UNC79: variants seen among roughly 807,000 people sequenced by gnomAD.
The protein encoded by UNC79 is protein unc-79 homolog.
In UNC79, 37 loss-of-function variants were observed where a neutral mutation model predicts 283.1. The ratio of observed to expected loss-of-function variants is 0.13; its 90% CI spans 0.10 to 0.17. The LOEUF is 0.17. UNC79 is among the 10% of genes least tolerant of loss of function. The pLI is 1.00. For missense variants in UNC79, 2,272 were observed against 3,211.1 expected, an observed-to-expected ratio of 0.71 and a Z score of 7.07; for synonymous variants, 1,107 against 1,200.2, an observed-to-expected ratio of 0.92 and a Z score of 1.61.
At chr14:93,548,530 G>A (rs896577457) in intron 14 of UNC79, among the ~76,000 whole-genome samples, 1 of 152,132 alleles carries the variant, frequency 6.6e-6, no homozygotes, top group African/African-American at 2.4e-5. Flanking sequence ...TTTTTTAAGA[G>A]AGAGAAAATG....
intron 12 of UNC79, among the ~76,000 whole-genome samples, chr14:93,539,192 C>T (rs954976374): frequency 3.4e-5 from 5 of 146,324 alleles, no homozygotes; most frequent in African/African-American, 1.3e-4. Context: ...CGTGAGCCAC[C>T]GTGCCTGGCT....
intron 1 of UNC79, among the ~76,000 whole-genome samples, chr14:93,346,567 T>G (rs546237111): frequency 1.3e-5 from 2 of 152,354 alleles, no homozygotes; most frequent in East Asian, 3.9e-4. Context: ...GACCCTGCCA[T>G]GAATATTTTT....
At chr14:93,415,353 A>T (rs1251495259) in intron 1 of UNC79, among the ~76,000 whole-genome samples, 3 of 152,232 alleles carry the variant, frequency 2.0e-5, no homozygotes, top group African/African-American at 7.2e-5. Context: ...CCAGCCTTGC[A>T]TCCCAGGGAT....
chr14:93,555,171 T>A (rs1443194761), intron 14 of UNC79, among the ~76,000 whole-genome samples: 2 of 152,252 alleles, frequency 1.3e-5, no homozygotes, highest in Non-Finnish European at 2.9e-5. Context: ...TTTAAAACTG[T>A]CTTTATTTAC....
chr14:93,489,250 T>C (rs2058607142), intron 5 of UNC79, among the ~76,000 whole-genome samples: 1 of 152,214 alleles, frequency 6.6e-6, no homozygotes, highest in Non-Finnish European at 1.5e-5. Flanking sequence ...ATACAAATTT[T>C]GAGAGGACAC....
intron 1 of UNC79, among the ~76,000 whole-genome samples, chr14:93,353,845 C>G (rs1300184549): frequency 6.6e-6 from 1 of 152,108 alleles, no homozygotes; most frequent in Admixed American, 6.5e-5. Context: ...CTAACTTGCT[C>G]TAGAGGAGGA....
intron 31 of UNC79, among the ~76,000 whole-genome samples, chr14:93,633,065 T>A (rs779982431): frequency 9.2e-5 from 14 of 152,172 alleles, no homozygotes; most frequent in Non-Finnish European, 2.1e-4. Flanking sequence ...GGTTTAAAAT[T>A]TTCATTTGAT....
At chr14:93,661,428 A>G (rs1214513411) in intron 39 of UNC79, among the ~76,000 whole-genome samples, 1 of 152,196 alleles carries the variant, frequency 6.6e-6, no homozygotes. Flanking sequence ...GACATTGAAC[A>G]TGTATGACTT....
chr14:93,559,012 G>A (rs1567112035), intron 14 of UNC79, among the ~76,000 whole-genome samples: 2 of 152,102 alleles, frequency 1.3e-5, no homozygotes, highest in Non-Finnish European at 2.9e-5. Context: ...CTCAAAGACA[G>A]CACTGATAAA....
chr14:93,547,275 C>T (rs891312041), intron 14 of UNC79, among the ~76,000 whole-genome samples: 4 of 152,160 alleles, frequency 2.6e-5, no homozygotes, highest in African/African-American at 9.7e-5. Context: ...AACCTAAGGA[C>T]AGTTAAACAT....
chr14:93,333,225 G>C, exon 1 of UNC79: 1 of 401,144 alleles, frequency 2.5e-6, no homozygotes. Flanking sequence ...CATTATTTTT[G>C]CTCGTCGGCT....
At chr14:93,636,638 C>A (rs187206772) in intron 31 of UNC79, among the ~76,000 whole-genome samples, 1 of 152,090 alleles carries the variant, frequency 6.6e-6, no homozygotes, top group Non-Finnish European at 1.5e-5. Flanking sequence ...GCATATGAGA[C>A]CTGCCTCTTC....
intron 1 of UNC79, among the ~76,000 whole-genome samples, chr14:93,404,425 G>A (rs1267355693): frequency 1.4e-5 from 2 of 140,322 alleles, no homozygotes; most frequent in Non-Finnish European, 3.0e-5. Flanking sequence ...AGGAGTTCAA[G>A]GCCACAGTGA....
chr14:93,568,327 C>A (rs1418408731), intron 14 of UNC79, among the ~76,000 whole-genome samples: 1 of 152,092 alleles, frequency 6.6e-6, no homozygotes, highest in East Asian at 1.9e-4. Flanking sequence ...TAGACATACA[C>A]AAACATACAG....
chr14:93,362,532 A>G (rs1384458807), intron 1 of UNC79, among the ~76,000 whole-genome samples: 1 of 152,096 alleles, frequency 6.6e-6, no homozygotes, highest in Non-Finnish European at 1.5e-5. Context: ...TATTTTTAGT[A>G]GAAATGGGGT....
At chr14:93,559,250 A>G (rs2062393042) in intron 14 of UNC79, among the ~76,000 whole-genome samples, 2 of 152,248 alleles carry the variant, frequency 1.3e-5, no homozygotes, top group South Asian at 2.1e-4. Flanking sequence ...CGCTTGCCTT[A>G]TCTGAACACA....
chr14:93,604,248 A>T (rs2065725201), intron 26 of UNC79, among the ~76,000 whole-genome samples: 1 of 152,206 alleles, frequency 6.6e-6, no homozygotes, highest in South Asian at 2.1e-4. Context: ...ATAATGACCC[A>T]AAACCTATTT....
intron 10 of UNC79, among the ~76,000 whole-genome samples, chr14:93,530,192 G>A (rs2060740509): frequency 6.6e-6 from 1 of 152,016 alleles, no homozygotes; most frequent in South Asian, 2.1e-4. Flanking sequence ...CTACTCAGGA[G>A]GCTGAGGCAG....
chr14:93,425,714 A>C (rs2055711726), upstream of UNC79, among the ~76,000 whole-genome samples: 1 of 152,172 alleles, frequency 6.6e-6, no homozygotes, highest in African/African-American at 2.4e-5. Flanking sequence ...CATAAACATA[A>C]ATTTAAGTTG....
Sources: gnomAD v4.1 joint callset for allele counts (sites outside exome capture counted in the v4.1 genomes callset) on GRCh38, gnomAD v4.1.1 for gene constraint, MANE v1.5 for transcripts, NCBI Gene and HGNC (gene_info 2026-07-23, HGNC 2026-07-21) for gene names.